TMEM131: variants seen among roughly 807,000 people sequenced by gnomAD.
TMEM131 encodes 2610524E03Rik.
Under a neutral mutation model 211.6 loss-of-function variants are expected in TMEM131, and 66 were observed. That is an observed-to-expected ratio of 0.31 (90% CI 0.26 to 0.38). TMEM131 has a LOEUF of 0.38. TMEM131 is among the 10% of genes least tolerant of loss of function. The pLI is 1.00. For missense variants in TMEM131, 2,036 were observed against 2,299.3 expected (o/e 0.89, Z 2.34); for synonymous variants, 844 against 841.3 (o/e 1.00, Z -0.06).
At chr2:97,919,146 G>A (rs2104411250) in intron 2 of TMEM131, among the ~76,000 whole-genome samples, 1 of 152,200 alleles carries the variant, frequency 6.6e-6, no homozygotes, top group South Asian at 2.1e-4. Context: ...TAGCCTTAGT[G>A]GTACCAAAAT....
intron 39 of TMEM131, 136 bp from the exon 40 acceptor site, chr2:97,759,189 GC>G: frequency 1.8e-6 from 2 of 1,093,272 alleles, no homozygotes; most frequent in Non-Finnish European, 2.7e-6. Flanking sequence ...GCCCACCACA[GC>G]CCAGAGGAAG....
intron 5 of TMEM131, among the ~76,000 whole-genome samples, chr2:97,845,180 A>T (rs1458592511): frequency 2.0e-5 from 3 of 152,164 alleles, no homozygotes; most frequent in African/African-American, 7.2e-5. Flanking sequence ...ACAGAGTGAG[A>T]TTATCAACTA....
At chr2:97,981,602 A>G (rs1167391298) in intron 1 of TMEM131, among the ~76,000 whole-genome samples, 1 of 152,198 alleles carries the variant, frequency 6.6e-6, no homozygotes, top group Non-Finnish European at 1.5e-5. Context: ...AACTTGTTTA[A>G]TAACAGCTCC....
chr2:97,905,215 T>C (rs1676019876), intron 3 of TMEM131, among the ~76,000 whole-genome samples: 1 of 152,224 alleles, frequency 6.6e-6, no homozygotes, highest in African/African-American at 2.4e-5. Context: ...ATATTCCTGC[T>C]GGAAGCAGTG....
chr2:97,773,617 C>T (rs1459810959), intron 32 of TMEM131, among the ~76,000 whole-genome samples: 2 of 152,030 alleles, frequency 1.3e-5, no homozygotes, highest in Non-Finnish European at 2.9e-5. Context: ...GACCTGTCTC[C>T]CCAACAGGGT....
At chr2:97,885,689 T>G (rs1186313071) in intron 4 of TMEM131, among the ~76,000 whole-genome samples, 1 of 152,186 alleles carries the variant, frequency 6.6e-6, no homozygotes, top group African/African-American at 2.4e-5. Context: ...GACACTTTTC[T>G]CTTGCTACTT....
Position 97,983,829 on chromosome 2 carries a change from T to C in TMEM131, c.187+11647A>G, listed in dbSNP as rs546474061. ...CCAGTAGTAACTGCAGTAATGACAG[T>C]CTCAAGCAATAACAGGAGTTAACTG... On this transcript the variant is annotated intron_variant, in intron 1 of 40. Transcript: ENST00000186436. Among the ~76,000 whole-genome samples, 12 of 152,340 alleles carry C rather than the reference T, an allele frequency of 7.9e-5. No individual in the cohort carries two copies. In the South Asian group the frequency reaches 2.5e-3, roughly 32 times the overall value.
chr2:97,903,376 A>C (rs1166236941), intron 3 of TMEM131, among the ~76,000 whole-genome samples: 3 of 152,220 alleles, frequency 2.0e-5, no homozygotes, highest in Admixed American at 1.3e-4. Context: ...ATGTCAACTA[A>C]GAAACATAGA....
intron 19 of TMEM131, among the ~76,000 whole-genome samples, chr2:97,805,919 G>T (rs1295379590): frequency 6.6e-6 from 1 of 152,100 alleles, no homozygotes; most frequent in African/African-American, 2.4e-5. Context: ...AGAAAAATCA[G>T]GAGGACAAAT....
chr2:97,802,822 A>G lies in TMEM131; in HGVS notation c.2403-32T>C. The G allele has an allele frequency of 2.6e-6, 4 of 1,510,516 alleles. No homozygotes were observed. In the South Asian group the frequency reaches 5.1e-5, roughly 19 times the overall value. The allele number at this position is 1,510,516 out of a possible 1,614,324, so 93.6% of individuals were successfully genotyped here. On this transcript the variant is annotated intron_variant, in intron 22 of 40. Transcript: ENST00000186436. ...AAACAATTTGTAAGTCACTGTATCA[A>G]AATGAAATATTTGAGTCTTCTGAAC...
intron 3 of TMEM131, among the ~76,000 whole-genome samples, chr2:97,903,705 AT>A (rs755982072): frequency 2.6e-5 from 4 of 152,002 alleles, no homozygotes; most frequent in African/African-American, 4.8e-5. Context: ...TTATTTATTT[AT>A]TTTGAGAGGG....
chr2:97,817,882 T>C (rs1039924716), intron 12 of TMEM131, among the ~76,000 whole-genome samples: 1 of 152,200 alleles, frequency 6.6e-6, no homozygotes, highest in African/African-American at 2.4e-5. Context: ...TTAAGCTTAA[T>C]AGCAGCTACT....
At chr2:97,796,498 C>T (rs1302111881) in intron 27 of TMEM131, 94 bp from the exon 28 acceptor site, 2 of 814,144 alleles carry the variant, frequency 2.5e-6, no homozygotes, top group Admixed American at 3.3e-5. Flanking sequence ...TACTATATGT[C>T]ACAGGTTATA....
At chr2:97,760,542 C>T (rs375665123) in intron 38 of TMEM131, 51 bp downstream of exon 38, 53 of 1,533,476 alleles carry the variant, frequency 3.5e-5, no homozygotes, top group Non-Finnish European at 4.2e-5. Flanking sequence ...GGTGCTAACC[C>T]GACTTGAGAA....
intron 3 of TMEM131, among the ~76,000 whole-genome samples, chr2:97,892,171 T>C (rs1380032122): frequency 6.6e-6 from 1 of 152,224 alleles, no homozygotes; most frequent in Non-Finnish European, 1.5e-5. Flanking sequence ...TGGTGTACAA[T>C]TAGGTATCTT....
Position 97,844,229 on chromosome 2 carries a change from A to T in TMEM131, c.516T>A (p.Asp172Glu), listed in dbSNP as rs1683324330. The T allele has an allele frequency of 7.5e-7, 1 of 1,332,554 alleles. No individual in the cohort carries two copies. The highest frequency in any genetic ancestry group is 1.5e-5 in the African/African-American group (1 of 66,604). 82.5% of individuals were successfully genotyped at this position (1,332,554 alleles called of 1,614,324 possible). A position where few individuals can be genotyped will look rare whatever the true frequency, so the allele number is the denominator to read the frequency against. The change falls in exon 6 of 41, where the codon GAT becomes GAA. Residue 172 changes from aspartate (D) to glutamate (E), a missense_variant. By Grantham distance (45) the Asp-to-Glu change is conservative (BLOSUM62 2). Transcript: ENST00000186436. Reference sequence around the variant, plus strand: ...CTACTACTCTTGCAAGAAAAACTACATCAAATGATGTATTTCCTCCTGGAA... The same window carrying T: ...CTACTACTCTTGCAAGAAAAACTACTTCAAATGATGTATTTCCTCCTGGAA... The part of the protein sequence containing the change: ...KILPGGNTSF[D>E]VVFLARVVGN...
At chr2:97,948,786 T>C (rs975722500) in intron 1 of TMEM131, among the ~76,000 whole-genome samples, 16 of 152,208 alleles carry the variant, frequency 1.1e-4, no homozygotes, top group African/African-American at 3.4e-4. Context: ...GCCTCCTAAG[T>C]AGCTGGGACT....
intron 2 of TMEM131, among the ~76,000 whole-genome samples, chr2:97,920,814 T>A (rs1160877617): frequency 1.3e-5 from 2 of 152,162 alleles, no homozygotes; most frequent in African/African-American, 4.8e-5. Context: ...TTCAAGATCT[T>A]TATGCAGAAT....
chr2:97,762,162 T>C lies in TMEM131; in HGVS notation c.4762A>G (p.Asn1588Asp). ...SLYKLSLQTL[N>D]ADIFLKQRQT... ...CGTTGTTTTAAGAAAATGTCTGCGT[T>C]GAGGGTTTGCAGAGAAAGTTTATAA... Residue 1588 changes from asparagine (N) to aspartate (D), a missense_variant, in exon 36 of 41, where the codon AAC becomes GAC. Physicochemically the swap from Asn to Asp is conservative, Grantham distance 23. Coordinates refer to ENST00000186436, the MANE Select transcript of TMEM131 (RefSeq NM_015348.2). 1 of 1,613,926 alleles carries C rather than the reference T, an allele frequency of 6.2e-7. No individual in the cohort carries two copies. Among genetic ancestry groups the C allele is most frequent in the Non-Finnish European group, 8.5e-7 (1 of 1,179,866 alleles).
Sources: gnomAD v4.1 joint callset for allele counts (sites outside exome capture counted in the v4.1 genomes callset) on GRCh38, gnomAD v4.1.1 for gene constraint, MANE v1.5 for transcripts, NCBI Gene and HGNC (gene_info 2026-07-23, HGNC 2026-07-21) for gene names.